Variants in TIAM2 observed in about 807,000 individuals in gnomAD.
TIAM2 encodes the protein TIAM Rac1 associated GEF 2.
TIAM2 carries 80 observed loss-of-function variants against 152.9 expected under a neutral mutation model. That is an observed-to-expected ratio of 0.52 (90% CI 0.44 to 0.63). The LOEUF (loss-of-function observed/expected upper bound fraction) is 0.63, where lower values mean the gene tolerates loss of function less well. Among genes scored for constraint, TIAM2 ranks in the 30% least tolerant of loss-of-function variants. The pLI, the probability that TIAM2 is intolerant of heterozygous loss-of-function variation, is 0.00. For synonymous variants in TIAM2, 804 were observed against 838.0 expected (o/e 0.96, Z 0.70); for missense variants, 1,965 against 2,120.1 (o/e 0.93, Z 1.44).
intron 15 of TIAM2, 111 bp from the exon 16 acceptor site, chr6:155,240,419 C>G: frequency 1.7e-6 from 2 of 1,166,512 alleles, no homozygotes; most frequent in Non-Finnish European, 1.2e-6. Flanking sequence ...ACACAGAGGC[C>G]CCTCTGAGAT....
intron 7 of TIAM2, among the ~76,000 whole-genome samples, chr6:155,164,053 A>C (rs1780345124): frequency 6.8e-6 from 1 of 147,442 alleles, no homozygotes; most frequent in African/African-American, 2.5e-5. Flanking sequence ...TCCGCCTTCT[A>C]GGTTTAATCC....
intron 1 of TIAM2, among the ~76,000 whole-genome samples, chr6:155,006,005 G>A (rs1050202888): frequency 6.6e-6 from 1 of 152,186 alleles, no homozygotes; most frequent in Non-Finnish European, 1.5e-5. Flanking sequence ...GGAGAAAAGG[G>A]TGGGTAAGGA....
chr6:155,109,340 T>A (rs1778779151), intron 2 of TIAM2, among the ~76,000 whole-genome samples: 1 of 152,204 alleles, frequency 6.6e-6, no homozygotes, highest in Admixed American at 6.5e-5. Flanking sequence ...TATTTGGACA[T>A]TTTTTAAAGG....
intron 2 of TIAM2, among the ~76,000 whole-genome samples, chr6:155,097,077 T>G (rs12192316): frequency 0.13 from 19,247 of 152,274 alleles, 1,341 homozygotes; most frequent in South Asian, 0.24. Context: ...CATTGTAGTT[T>G]TGATTTGCAT....
At chr6:155,074,094 C>T (rs1411754879) in intron 1 of TIAM2, among the ~76,000 whole-genome samples, 2 of 152,158 alleles carry the variant, frequency 1.3e-5, no homozygotes, top group Non-Finnish European at 1.5e-5. Flanking sequence ...ATTATGATAC[C>T]AGGTCCTACT....
Position 155,254,417 on chromosome 6 carries a change from A to G in TIAM2, c.4314-2A>G. 1 of 1,610,290 alleles carries G rather than the reference A, an allele frequency of 6.2e-7. No homozygotes were observed. Among genetic ancestry groups the G allele is most frequent in the Non-Finnish European group, 8.5e-7 (1 of 1,176,852 alleles). ...TGCTGTTTTCTCTCCCCCCCCACCC[A>G]GTGACAGTGAAAGCAAAACCAACAT... On this transcript the variant is annotated splice_acceptor_variant, in intron 25 of 26. Coordinates refer to ENST00000682666, the MANE Select transcript of TIAM2 (RefSeq NM_012454.4). LOFTEE classifies it high-confidence loss of function.
intron 2 of TIAM2, among the ~76,000 whole-genome samples, chr6:155,118,325 C>T (rs1228957724): frequency 6.6e-6 from 1 of 152,170 alleles, no homozygotes; most frequent in Non-Finnish European, 1.5e-5. Context: ...CTTCAGGGAT[C>T]CAGCAAGTGG....
At chr6:155,082,695 A>AATAT in intron 1 of TIAM2, among the ~76,000 whole-genome samples, 1 of 151,784 alleles carries the variant, frequency 6.6e-6, no homozygotes, top group Admixed American at 6.6e-5. Flanking sequence ...TAAATAAATA[A>AATAT]ATAAATAAAT....
intron 1 of TIAM2, among the ~76,000 whole-genome samples, chr6:155,010,190 C>T (rs1201321333): frequency 2.0e-5 from 3 of 152,004 alleles, no homozygotes; most frequent in African/African-American, 7.3e-5. Flanking sequence ...AGAATCTAAG[C>T]GGAAGACTTA....
At chr6:155,160,524 T>G (rs1780242516) in intron 7 of TIAM2, among the ~76,000 whole-genome samples, 1 of 152,184 alleles carries the variant, frequency 6.6e-6, no homozygotes, top group African/African-American at 2.4e-5. Flanking sequence ...GTACATAATA[T>G]TAACCATTAC....
intron 1 of TIAM2, among the ~76,000 whole-genome samples, chr6:155,035,833 C>G (rs1776912184): frequency 1.3e-5 from 2 of 152,162 alleles, no homozygotes; most frequent in Admixed American, 6.5e-5. Flanking sequence ...ACAGCCCTTG[C>G]TGGGTTGATG....
At position 155,129,806 on chromosome 6, in the gene TIAM2, G is replaced by A; in HGVS notation, c.583G>A (p.Val195Met). 3 of 1,613,720 alleles carry A rather than the reference G, an allele frequency of 1.9e-6. No individual in the cohort carries two copies. Among genetic ancestry groups the A allele is most frequent in the Non-Finnish European group, 1.7e-6 (2 of 1,180,030 alleles). ...GCCTGCAGAGGACTGCAGTGAGCCG[G>A]TGCAGCTGCTGAGGTACTCACCTAC... ...KVPAEDCSEP[V>M]QLLRYSPTLA... is the part of the protein sequence containing the mutation. Residue 195 changes from valine (V) to methionine (M), a missense_variant, in exon 4 of 27, where the codon GTG (valine) becomes ATG (methionine). Physicochemically the swap from Val to Met is conservative, Grantham distance 21 (BLOSUM62 1). Transcript: ENST00000682666. This position sits in a 1 kb window ranked among gnomAD's most constrained non-coding sequence, Gnocchi z 4.8.
At chr6:155,056,325 C>T (rs191962581) in intron 1 of TIAM2, among the ~76,000 whole-genome samples, 1 of 151,816 alleles carries the variant, frequency 6.6e-6, no homozygotes, top group African/African-American at 2.4e-5. Flanking sequence ...GCGCCTACCA[C>T]CATGCCCGGC....
chr6:155,013,096 C>T (rs1259784261), intron 1 of TIAM2, among the ~76,000 whole-genome samples: 4 of 152,058 alleles, frequency 2.6e-5, no homozygotes, highest in African/African-American at 9.7e-5. Flanking sequence ...TGTCCCCTAC[C>T]TGTGGCACAT....
chr6:155,056,590 T>C (rs1276803098), intron 1 of TIAM2, among the ~76,000 whole-genome samples: 3 of 151,542 alleles, frequency 2.0e-5, no homozygotes, highest in Non-Finnish European at 2.9e-5. Flanking sequence ...AATGATAGTA[T>C]AATGATACCA....
intron 1 of TIAM2, among the ~76,000 whole-genome samples, chr6:155,055,799 C>A (rs1409239610): frequency 6.6e-6 from 1 of 151,972 alleles, no homozygotes; most frequent in Admixed American, 6.6e-5. Context: ...TTGGTCTCTC[C>A]TAAAAATAAA....
chr6:155,101,729 G>C (rs1329555960), intron 2 of TIAM2, among the ~76,000 whole-genome samples: 2 of 152,106 alleles, frequency 1.3e-5, no homozygotes, highest in Non-Finnish European at 2.9e-5. Context: ...TATTTATTTA[G>C]AGACAGAGTC....
intron 22 of TIAM2, 103 bp from the exon 23 acceptor site, chr6:155,251,842 C>CA: frequency 4.6e-6 from 4 of 861,494 alleles, no homozygotes; most frequent in Non-Finnish European, 7.4e-6. Context: ...CTTAGAGACT[C>CA]ATACGTTTGG....
chr6:155,166,676 G>A (rs1217980227), intron 9 of TIAM2, among the ~76,000 whole-genome samples: 1 of 152,152 alleles, frequency 6.6e-6, no homozygotes, highest in African/African-American at 2.4e-5. Flanking sequence ...TGTGAAATGT[G>A]GCCCAAGTAT....
Sources: allele counts gnomAD v4.1 joint callset (sites outside exome capture counted in the v4.1 genomes callset), GRCh38; gene constraint gnomAD v4.1.1; non-coding constraint Gnocchi (gnomAD v3.1); transcripts MANE v1.5; gene names NCBI Gene and HGNC (gene_info 2026-07-23, HGNC 2026-07-21).